The following MYO9A variants were observed in gnomAD, a reference collection of about 807,000 sequenced individuals.
MYO9A encodes myosin IXA, also known as unconventional myosin-IXa.
A neutral mutation model predicts 293.3 loss-of-function variants in MYO9A; 103 were observed. The observed-to-expected ratio is 0.35, with a 90% CI of 0.30 to 0.41. The LOEUF is 0.41. MYO9A is among the 10% of genes least tolerant of loss of function. The pLI is 1.00. For missense variants in MYO9A, 2,685 were observed against 3,033.0 expected (o/e 0.89, Z 2.69); for synonymous variants, 1,001 against 1,035.7 (o/e 0.97, Z 0.64).
intron 38 of MYO9A, 122 bp from the exon 39 acceptor site, chr15:71,849,090 G>T: frequency 1.1e-6 from 1 of 933,310 alleles, no homozygotes; most frequent in Non-Finnish European, 1.5e-6. Context: ...TCCCTTACTT[G>T]ATAAACTCAG....
chr15:71,923,487 T>C (rs898880958), intron 18 of MYO9A, among the ~76,000 whole-genome samples: 4 of 152,236 alleles, frequency 2.6e-5, no homozygotes, highest in African/African-American at 7.2e-5. Context: ...GAAGCTGTCA[T>C]GTAATGGACT....
chr15:72,003,068 G>A (rs1054390438), intron 8 of MYO9A, among the ~76,000 whole-genome samples: 5 of 151,948 alleles, frequency 3.3e-5, no homozygotes, highest in African/African-American at 4.8e-5. Context: ...TCAGGAGTTC[G>A]AGACCAGCCT....
At chr15:72,106,232 C>G (rs559452887) in intron 1 of MYO9A, among the ~76,000 whole-genome samples, 1 of 149,022 alleles carries the variant, frequency 6.7e-6, no homozygotes, top group South Asian at 2.2e-4. Context: ...AATCTCAGCA[C>G]TCTGGGAGGC....
At chr15:71,963,485 G>A (rs2075794733) in intron 13 of MYO9A, among the ~76,000 whole-genome samples, 1 of 152,016 alleles carries the variant, frequency 6.6e-6, no homozygotes, top group South Asian at 2.1e-4. Context: ...TTTCGCTCTT[G>A]TTGCTCAGGC....
At chr15:72,065,172 T>C (rs962377906) in intron 1 of MYO9A, among the ~76,000 whole-genome samples, 1 of 152,158 alleles carries the variant, frequency 6.6e-6, no homozygotes, top group South Asian at 2.1e-4. Flanking sequence ...TGATGGATCA[T>C]AGACCATGAA....
At position 71,907,198 on chromosome 15, in the gene MYO9A, GTTTT is replaced by G. The variant is rs1022658225; in HGVS notation, c.2686-2196_2686-2193del. 4.5e-4 allele frequency among the ~76,000 whole-genome samples: 68 copies of G among 150,972 alleles called. 2 individuals carry two copies. In the Middle Eastern group the frequency reaches 0.014, roughly 30 times the overall value. On this transcript the variant is annotated intron_variant, in intron 19 of 41. Transcript: ENST00000356056. Reference sequence around the variant, plus strand: ...TATGAGGGAGAATATGCGGTGTTTGGTTTTTTGTTTTTGCGATAGTTTACTGAGA... The same window carrying G: ...TATGAGGGAGAATATGCGGTGTTTGGTTGTTTTTGCGATAGTTTACTGAGA...
chr15:71,925,200 C>T (rs1005005879), intron 18 of MYO9A, among the ~76,000 whole-genome samples: 1 of 4,902 alleles, frequency 2.0e-4, no homozygotes. Context: ...TATATATACA[C>T]ATATATACAT....
At chr15:71,880,938 G>A (rs1227570679) in intron 28 of MYO9A, among the ~76,000 whole-genome samples, 1 of 152,142 alleles carries the variant, frequency 6.6e-6, no homozygotes, top group Non-Finnish European at 1.5e-5. Flanking sequence ...TGTTAACAAA[G>A]TCATAGCTTT....
intron 19 of MYO9A, among the ~76,000 whole-genome samples, chr15:71,906,907 G>A (rs899955319): frequency 5.4e-5 from 8 of 148,796 alleles, no homozygotes; most frequent in Admixed American, 5.3e-4. Context: ...GGGACTACAG[G>A]CCCCACCACC....
chr15:71,900,078 A>C, intron 23 of MYO9A, 72 bp from the exon 24 acceptor site: 1 of 1,381,350 alleles, frequency 7.2e-7, no homozygotes, highest in East Asian at 2.4e-5. Context: ...AAAAAAGAGA[A>C]TAAATTTCTT....
intron 1 of MYO9A, among the ~76,000 whole-genome samples, chr15:72,105,643 G>A (rs1355816915): frequency 6.6e-6 from 1 of 151,786 alleles, no homozygotes; most frequent in Non-Finnish European, 1.5e-5. Context: ...TAGTAGCTGG[G>A]ATTACAGGCA....
chr15:71,999,811 A>G, intron 9 of MYO9A, 40 bp downstream of exon 9: 3 of 1,527,850 alleles, frequency 2.0e-6, no homozygotes, highest in Non-Finnish European at 2.7e-6. Context: ...ACTTCTAACA[A>G]TGTCCAGAAT....
chr15:71,919,555 T>C (rs2058099135), intron 18 of MYO9A, among the ~76,000 whole-genome samples: 1 of 151,958 alleles, frequency 6.6e-6, no homozygotes, highest in Non-Finnish European at 1.5e-5. Context: ...ATTCAATAAA[T>C]ATTAGTTTGA....
chr15:71,909,447 A>G (rs2057768660), intron 19 of MYO9A, among the ~76,000 whole-genome samples: 1 of 152,180 alleles, frequency 6.6e-6, no homozygotes, highest in African/African-American at 2.4e-5. Context: ...TGCCATTCCA[A>G]TAGCTGTGCT....
intron 26 of MYO9A, chr15:71,889,692 G>A (rs1187981453): frequency 1.3e-5 from 2 of 151,648 alleles, no homozygotes; most frequent in African/African-American, 4.8e-5. Flanking sequence ...AGAAAAAAGG[G>A]TTTACCAAAA....
intron 19 of MYO9A, among the ~76,000 whole-genome samples, chr15:71,910,259 C>G (rs1326777836): frequency 6.7e-6 from 1 of 149,814 alleles, no homozygotes; most frequent in Non-Finnish European, 1.5e-5. Context: ...GCTATGTACT[C>G]TTATTTCCAC....
intron 39 of MYO9A, chr15:71,847,396 T>C (rs752723468): frequency 2.2e-6 from 1 of 448,106 alleles, no homozygotes; most frequent in Non-Finnish European, 4.5e-6. Context: ...CTGTGACACA[T>C]TGCATTATTA....
chr15:71,892,924 C>T, intron 26 of MYO9A: 1 of 1,141,746 alleles, frequency 8.8e-7, no homozygotes, highest in South Asian at 1.5e-5. Context: ...CTATTTCCAT[C>T]AGATTTGCTT....
intron 1 of MYO9A, among the ~76,000 whole-genome samples, chr15:72,076,903 G>C (rs2079370543): frequency 6.6e-6 from 1 of 151,992 alleles, no homozygotes; most frequent in East Asian, 1.9e-4. Context: ...ACAGAAAAGA[G>C]AGTCCAGAAA....
Sources: gnomAD v4.1 joint callset for allele counts (sites outside exome capture counted in the v4.1 genomes callset) on GRCh38, gnomAD v4.1.1 for gene constraint, MANE v1.5 for transcripts, NCBI Gene and HGNC (gene_info 2026-07-23, HGNC 2026-07-21) for gene names.